The following DNAJC10 variants were observed in gnomAD, a reference collection of about 807,000 sequenced individuals.
DNAJC10 encodes DnaJ heat shock protein family (Hsp40) member C10.
A neutral mutation model predicts 115.0 loss-of-function variants in DNAJC10; 101 were observed. The ratio of observed to expected loss-of-function variants is 0.88; its 90% confidence interval spans 0.75 to 1.04. The LOEUF is 1.04. DNAJC10 is among the 50% of genes least tolerant of loss of function. DNAJC10 has a pLI of 0.00. For missense variants in DNAJC10, 981 were observed against 928.8 expected (o/e 1.06, Z -0.73); for synonymous variants, 307 against 301.5 (o/e 1.02, Z -0.19).
At chr2:182,759,601 C>A (rs1001325534) in intron 21 of DNAJC10, among the ~76,000 whole-genome samples, 3 of 152,116 alleles carry the variant, frequency 2.0e-5, no homozygotes, top group Non-Finnish European at 4.4e-5. Flanking sequence ...CCCCAGTACT[C>A]TGTTGCCCTC....
intron 10 of DNAJC10, among the ~76,000 whole-genome samples, chr2:182,734,423 T>G (rs1021582086): frequency 6.6e-6 from 1 of 151,802 alleles, no homozygotes; most frequent in African/African-American, 2.4e-5. Flanking sequence ...GCTAGCTTGA[T>G]TCTACTGTGG....
Position 182,755,104 on chromosome 2 carries a change from G to A in DNAJC10, c.1653G>A (p.Glu551=). 1 of 1,563,036 alleles carries A rather than the reference G, an allele frequency of 6.4e-7. No homozygotes were observed. Among genetic ancestry groups the A allele is most frequent in the Non-Finnish European group, 8.8e-7 (1 of 1,133,942 alleles). Residue 551 remains glutamate, a splice_region_variant and synonymous_variant, in exon 17 of 24, where the codon GAG becomes GAA. Transcript: ENST00000264065. The part of the protein sequence containing the change: ...HSAEQILEFI[E]DLMNPSVVSL... ...CTGAACAAATCTTGGAGTTCATAGAGGTATTTCAGATTATAGACTATGTGA... is the reference window on the plus strand; with the variant it reads ...CTGAACAAATCTTGGAGTTCATAGAAGTATTTCAGATTATAGACTATGTGA...
chr2:182,738,621 A>C (rs1693647182), intron 11 of DNAJC10, among the ~76,000 whole-genome samples: 1 of 151,928 alleles, frequency 6.6e-6, no homozygotes, highest in Non-Finnish European at 1.5e-5. Flanking sequence ...ACTCACTGCA[A>C]GCTCCACCTC....
chr2:182,736,640 C>T (rs1342456201), intron 11 of DNAJC10, among the ~76,000 whole-genome samples: 1 of 152,150 alleles, frequency 6.6e-6, no homozygotes, highest in Admixed American at 6.5e-5. Flanking sequence ...TTTAAAATTA[C>T]CTTACATTTA....
intron 2 of DNAJC10, among the ~76,000 whole-genome samples, chr2:182,717,649 A>G (rs1479482769): frequency 2.6e-5 from 4 of 152,204 alleles, no homozygotes; most frequent in Non-Finnish European, 4.4e-5. Flanking sequence ...CCTGTAGCTC[A>G]TTGCCACCTT....
chr2:182,773,095 A>G (rs1694610085), intron 22 of DNAJC10, among the ~76,000 whole-genome samples: 1 of 152,116 alleles, frequency 6.6e-6, no homozygotes, highest in African/African-American at 2.4e-5. Flanking sequence ...TCACTTATGA[A>G]GCTTAGTTTG....
In DNAJC10 at chr2:182,729,881, G is replaced by A; in HGVS notation, c.667G>A (p.Glu223Lys). 1 of 1,611,038 alleles carries A rather than the reference G, an allele frequency of 6.2e-7. No homozygotes were observed. Among genetic ancestry groups the A allele is most frequent in the Middle Eastern group, 1.7e-4 (1 of 6,054 alleles). Residue 223 changes from glutamate to lysine, a missense_variant, in exon 8 of 24, where the codon GAG becomes AAG. Glu to Lys is a moderately conservative substitution (Grantham distance 56). Coordinates refer to ENST00000264065, the MANE Select transcript of DNAJC10 (RefSeq NM_018981.4). ...PVKYHGDRSK[E>K]SLVSFAMQHV... Reference sequence around the variant, plus strand: ...GAAATATCATGGAGACAGATCAAAGGAGAGTTTAGTGAGTTTTGCAATGCA... The same window carrying A: ...GAAATATCATGGAGACAGATCAAAGAAGAGTTTAGTGAGTTTTGCAATGCA...
At chr2:182,739,538 A>G in intron 11 of DNAJC10, 1 of 1,219,668 alleles carries the variant, frequency 8.2e-7, no homozygotes, top group East Asian at 6.5e-5. Flanking sequence ...ATTCTTTATA[A>G]TAACAGCTGC....
intron 13 of DNAJC10, 23 bp from the exon 14 acceptor site, chr2:182,743,575 A>G (rs764783890): frequency 6.5e-7 from 1 of 1,532,754 alleles, no homozygotes; most frequent in Admixed American, 1.7e-5. Flanking sequence ...GTTTTTATCA[A>G]ATTTGACCTT....
At chr2:182,765,332 C>T (rs1004957326) in intron 22 of DNAJC10, among the ~76,000 whole-genome samples, 1 of 152,134 alleles carries the variant, frequency 6.6e-6, no homozygotes, top group African/African-American at 2.4e-5. Flanking sequence ...CTATCAACCT[C>T]CTGTCCCAAA....
chr2:182,756,938 A>G (rs1694172349), intron 18 of DNAJC10, among the ~76,000 whole-genome samples: 1 of 152,162 alleles, frequency 6.6e-6, no homozygotes, highest in Non-Finnish European at 1.5e-5. Context: ...CGTGCCCAGT[A>G]TATCCAGTAC....
chr2:182,732,675 G>C (rs902053609), intron 10 of DNAJC10, 133 bp downstream of exon 10: 9 of 830,112 alleles, frequency 1.1e-5, no homozygotes, highest in South Asian at 1.6e-5. Context: ...TCTGATGACT[G>C]TATTCATAGC....
chr2:182,759,030 A>G, intron 20 of DNAJC10, 130 bp from the exon 21 acceptor site: 1 of 1,011,072 alleles, frequency 9.9e-7, no homozygotes, highest in Non-Finnish European at 1.5e-6. Context: ...TAACCAAGAT[A>G]GTACTGTACT....
In DNAJC10 at chr2:182,740,329, T is replaced by TC; in HGVS notation, c.1018_1019insC (p.Tyr340SerfsTer7). The stretch of plus-strand genomic sequence containing the variant: ...CAACTCATTGGATGCTAAAGAAATA[T>TC]ATTTGGAAGTAATACATAATCTTCC... On this transcript the variant is annotated frameshift_variant, in exon 12 of 24. Coordinates refer to ENST00000264065, the MANE Select transcript of DNAJC10 (RefSeq NM_018981.4). LOFTEE classifies it high-confidence loss of function. 6.5e-7 allele frequency: 1 copy of TC among 1,534,070 alleles called. No individual in the cohort carries two copies. The highest frequency in any genetic ancestry group is 8.8e-7 in the Non-Finnish European group (1 of 1,133,834).
Position 182,732,505 on chromosome 2 carries a change from T to C in DNAJC10, c.812T>C (p.Leu271Ser), listed in dbSNP as rs1693476284. ...AAGGTTTTTTTGTCCCCAGATTGTT[T>C]GACTTCACAGACACGACTCAGGCTT... Reference protein sequence around the residue: ...ITFCSKGGDCLTSQTRLRLSG... With the variant: ...ITFCSKGGDCSTSQTRLRLSG... The change falls in exon 10 of 24, where the codon TTG becomes TCG. Residue 271 changes from leucine to serine, a missense_variant. Transcript: ENST00000264065. The C allele has an allele frequency of 6.2e-7, 1 of 1,613,580 alleles. No homozygotes were observed. The highest frequency in any genetic ancestry group is 2.2e-5 in the East Asian group (1 of 44,864).
At position 182,758,855 on chromosome 2, in the gene DNAJC10, T is replaced by G. The variant is rs187476677; in HGVS notation, c.1962T>G (p.Asn654Lys). Reference sequence around the variant, plus strand: ...CTCTCAGCAGTTACAATGGTTGGAATAGGGATGCTTATTCCCTGAGAATCT... The same window carrying G: ...CTCTCAGCAGTTACAATGGTTGGAAGAGGGATGCTTATTCCCTGAGAATCT... The part of the protein sequence containing the change: ...AYHYHSYNGW[N>K]RDAYSLRIWG... Residue 654 changes from asparagine to lysine, a missense_variant, in exon 20 of 24, where the codon AAT (asparagine) becomes AAG (lysine). Physicochemically the swap from Asn to Lys is moderately conservative, Grantham distance 94. Transcript: ENST00000264065. 1.2e-6 allele frequency: 2 copies of G among 1,607,850 alleles called. No homozygotes were observed. Among genetic ancestry groups the G allele is most frequent in the East Asian group, 4.5e-5 (2 of 44,766 alleles).
chr2:182,735,319 C>T (rs74825757), intron 10 of DNAJC10, among the ~76,000 whole-genome samples: 1 of 151,728 alleles, frequency 6.6e-6, no homozygotes, highest in East Asian at 1.9e-4. Context: ...GTTATGTATT[C>T]TAATCAAATA....
intron 5 of DNAJC10, among the ~76,000 whole-genome samples, chr2:182,727,627 A>C (rs1373041114): frequency 6.6e-6 from 1 of 152,212 alleles, no homozygotes; most frequent in African/African-American, 2.4e-5. Flanking sequence ...CTTGAAATGT[A>C]GGTGAACACT....
chr2:182,758,287 G>A (rs1694207308), intron 19 of DNAJC10, among the ~76,000 whole-genome samples: 3 of 152,220 alleles, frequency 2.0e-5, no homozygotes, highest in Admixed American at 2.0e-4. Context: ...TGAAGTTGAG[G>A]TTTGAACCCA....
Sources: allele counts gnomAD v4.1 joint callset (sites outside exome capture counted in the v4.1 genomes callset), GRCh38; gene constraint gnomAD v4.1.1; transcripts MANE v1.5; gene names NCBI Gene and HGNC (gene_info 2026-07-23, HGNC 2026-07-21).